Variants in RBFOX1 observed in about 807,000 individuals in gnomAD.
RBFOX1 encodes RNA binding protein fox-1 homolog 1.
Under a neutral mutation model 57.7 loss-of-function variants are expected in RBFOX1, and 8 were observed. The observed-to-expected ratio is 0.14, with a 90% CI of 0.08 to 0.25. The LOEUF (loss-of-function observed/expected upper bound fraction) is 0.25. RBFOX1 is among the 10% of genes least tolerant of loss of function. The pLI is 1.00. For synonymous variants in RBFOX1, 326 were observed against 222.4 expected, an observed-to-expected ratio of 1.47 and a Z score of -4.15; for missense variants, 611 against 548.5, an observed-to-expected ratio of 1.11 and a Z score of -1.14.
chr16:7,387,317 A>G (rs1403763896), intron 4 of RBFOX1, among the ~76,000 whole-genome samples: 2 of 152,176 alleles, frequency 1.3e-5, no homozygotes, highest in Non-Finnish European at 2.9e-5. Context: ...TTTTATAGAT[A>G]AGAAAACTGA....
intron 3 of RBFOX1, among the ~76,000 whole-genome samples, chr16:6,691,900 C>G (rs976195361): frequency 1.3e-5 from 2 of 152,188 alleles, no homozygotes; most frequent in Non-Finnish European, 1.5e-5. Context: ...AAAGATGCTA[C>G]TTTTCTGGTT....
intron 2 of RBFOX1, among the ~76,000 whole-genome samples, chr16:6,613,230 C>T (rs1464556537): frequency 6.6e-6 from 1 of 152,052 alleles, no homozygotes; most frequent in Non-Finnish European, 1.5e-5. Context: ...GTGCACTTCC[C>T]TTCCCTGTCA....
chr16:6,714,258 C>T (rs541662484), intron 3 of RBFOX1, among the ~76,000 whole-genome samples: 7 of 152,288 alleles, frequency 4.6e-5, no homozygotes, highest in Non-Finnish European at 8.8e-5. Context: ...AATTAAACCT[C>T]TTTCCCATAT....
intron 2 of RBFOX1, among the ~76,000 whole-genome samples, chr16:6,576,278 A>C (rs2097434640): frequency 6.6e-6 from 1 of 152,138 alleles, no homozygotes; most frequent in African/African-American, 2.4e-5. Context: ...GCTGACACAC[A>C]CACTCACTCA....
intron 2 of RBFOX1, among the ~76,000 whole-genome samples, chr16:6,361,058 A>G (rs938227873): frequency 2.6e-5 from 4 of 152,152 alleles, no homozygotes; most frequent in Non-Finnish European, 5.9e-5. Context: ...TGTTTGTCTA[A>G]AAGTTTAATC....
intron 5 of RBFOX1, among the ~76,000 whole-genome samples, chr16:7,562,038 G>C (rs1209575094): frequency 2.0e-5 from 3 of 152,142 alleles, no homozygotes; most frequent in African/African-American, 7.2e-5. Context: ...AATACTGCAG[G>C]AGGAAAAGGT....
At chr16:5,888,340 T>C (rs2057951796) in intron 4 of RBFOX1, among the ~76,000 whole-genome samples, 1 of 152,204 alleles carries the variant, frequency 6.6e-6, no homozygotes, top group Admixed American at 6.5e-5. Flanking sequence ...CAAAGCTTTT[T>C]TTCTTAATGA....
intron 1 of RBFOX1, among the ~76,000 whole-genome samples, chr16:5,288,742 G>C (rs1296702689): frequency 1.3e-5 from 2 of 151,456 alleles, no homozygotes; most frequent in Non-Finnish European, 2.9e-5. Context: ...GATTCTCTTT[G>C]ATAGGGCATG....
chr16:6,670,343 T>G lies in RBFOX1; in HGVS notation c.-16+15693T>G, dbSNP rs745409612. ...TCTTGGTCTCCCAAAATGCTGGGATTACAGGGGTGAGCCACTGCTCCCAGA... is the reference window on the plus strand; with the variant it reads ...TCTTGGTCTCCCAAAATGCTGGGATGACAGGGGTGAGCCACTGCTCCCAGA... On this transcript the variant is annotated intron_variant, in intron 3 of 15. Transcript: ENST00000550418. Among the ~76,000 whole-genome samples, 29 of 152,272 alleles carry G rather than the reference T, an allele frequency of 1.9e-4. No homozygotes were observed. In the Middle Eastern group the frequency reaches 0.01, roughly 54 times the overall value.
At chr16:5,874,993 A>G (rs1437805057) in intron 4 of RBFOX1, among the ~76,000 whole-genome samples, 1 of 152,136 alleles carries the variant, frequency 6.6e-6, no homozygotes. Context: ...AGGCAGAACT[A>G]GAGGTTAGAG....
At chr16:6,391,758 G>A (rs748286376) in intron 2 of RBFOX1, among the ~76,000 whole-genome samples, 10 of 152,050 alleles carry the variant, frequency 6.6e-5, no homozygotes, top group South Asian at 2.1e-4. Context: ...AGGGAGAGAA[G>A]GAGAAGATTA....
At chr16:5,454,849 CTTT>C (rs2068542037) in intron 1 of RBFOX1, among the ~76,000 whole-genome samples, 1 of 104,232 alleles carries the variant, frequency 9.6e-6, no homozygotes, top group African/African-American at 3.7e-5. Flanking sequence ...TCCTTTCTTT[CTTT>C]CTTTTCTTTC....
intron 3 of RBFOX1, among the ~76,000 whole-genome samples, chr16:5,733,087 C>T (rs1170140491): frequency 6.6e-6 from 1 of 152,080 alleles, no homozygotes; most frequent in Non-Finnish European, 1.5e-5. Context: ...ATCAATACAC[C>T]TGACTTCCAA....
At chr16:6,998,560 A>T (rs149729494) in intron 3 of RBFOX1, among the ~76,000 whole-genome samples, 3 of 152,318 alleles carry the variant, frequency 2.0e-5, no homozygotes, top group Middle Eastern at 3.4e-3. Context: ...GGTTGTATTG[A>T]AGAACCAAAA....
chr16:6,738,837 G>GA (rs1419519868), intron 3 of RBFOX1, among the ~76,000 whole-genome samples: 1 of 152,036 alleles, frequency 6.6e-6, no homozygotes. Context: ...AAGAGAACAG[G>GA]AAAAAATCCC....
At chr16:7,364,400 A>G (rs2097395295) in intron 4 of RBFOX1, among the ~76,000 whole-genome samples, 1 of 152,188 alleles carries the variant, frequency 6.6e-6, no homozygotes, top group South Asian at 2.1e-4. Flanking sequence ...GCTAATTCAT[A>G]GATCTTGAGA....
At chr16:6,234,351 G>C (rs779908703) in intron 1 of RBFOX1, among the ~76,000 whole-genome samples, 7 of 152,126 alleles carry the variant, frequency 4.6e-5, no homozygotes, top group Non-Finnish European at 8.8e-5. Context: ...ATTTACATTT[G>C]TTTATGTGAT....
chr16:7,157,290 G>C (rs4786970), intron 4 of RBFOX1, among the ~76,000 whole-genome samples: 136,728 of 152,262 alleles, frequency 0.9, 61,524 homozygotes, highest in East Asian at 1. Context: ...CCATATGCTT[G>C]ATTACTAAAT....
chr16:6,781,536 A>G (rs1165830730), intron 3 of RBFOX1, among the ~76,000 whole-genome samples: 3 of 152,134 alleles, frequency 2.0e-5, no homozygotes, highest in South Asian at 4.1e-4. Flanking sequence ...GTAGAATTCA[A>G]CAGTGAAGCC....
Sources: allele counts gnomAD v4.1 joint callset (sites outside exome capture counted in the v4.1 genomes callset), GRCh38; gene constraint gnomAD v4.1.1; transcripts MANE v1.5; gene names NCBI Gene and HGNC (gene_info 2026-07-23, HGNC 2026-07-21).